Variants in MTUS2 observed in about 807,000 individuals in gnomAD.
MTUS2 encodes the protein microtubule-associated tumor suppressor candidate 2.
MTUS2 carries 40 observed loss-of-function variants against 114.1 expected under a neutral mutation model. The observed-to-expected ratio is 0.35, with a 90% CI of 0.27 to 0.46. MTUS2 has a LOEUF of 0.46. Among genes scored for constraint, MTUS2 ranks in the 20% least tolerant of loss-of-function variants. The pLI is 1.00. For missense variants in MTUS2, 1,679 were observed against 1,705.4 expected, an observed-to-expected ratio of 0.98 and a Z score of 0.27; for synonymous variants, 688 against 672.0, an observed-to-expected ratio of 1.02 and a Z score of -0.37.
intron 8 of MTUS2, among the ~76,000 whole-genome samples, chr13:29,389,297 G>T (rs12864862): frequency 7.0e-6 from 1 of 142,858 alleles, no homozygotes; most frequent in African/African-American, 2.7e-5. Context: ...ACATATGTGT[G>T]TATATGTGTA....
At chr13:29,070,142 G>A (rs1435251454) in intron 4 of MTUS2, among the ~76,000 whole-genome samples, 1 of 152,176 alleles carries the variant, frequency 6.6e-6, no homozygotes, top group African/African-American at 2.4e-5. Flanking sequence ...GCTGTGCTGG[G>A]CTTTCTATCT....
chr13:28,890,529 A>T (rs1455170706), intron 2 of MTUS2, among the ~76,000 whole-genome samples: 1 of 152,204 alleles, frequency 6.6e-6, no homozygotes, highest in Non-Finnish European at 1.5e-5. Flanking sequence ...CGTTTTTATG[A>T]GAATTAAATG....
intron 8 of MTUS2, among the ~76,000 whole-genome samples, chr13:29,375,242 A>C (rs1191389332): frequency 6.8e-6 from 1 of 147,530 alleles, no homozygotes; most frequent in Non-Finnish European, 1.5e-5. Context: ...AATAATTTTT[A>C]AAGAACAGAG....
At chr13:29,471,748 C>CCCCCCG (rs565840294) in intron 9 of MTUS2, among the ~76,000 whole-genome samples, 1 of 150,080 alleles carries the variant, frequency 6.7e-6, no homozygotes, top group African/African-American at 2.4e-5. Flanking sequence ...CCCAGCCCCC[C>CCCCCCG]CCGACACATT....
At chr13:29,382,576 A>T (rs930808801) in intron 8 of MTUS2, among the ~76,000 whole-genome samples, 1 of 152,196 alleles carries the variant, frequency 6.6e-6, no homozygotes, top group Non-Finnish European at 1.5e-5. Context: ...TAGACTGTAC[A>T]GTTTGTGGTG....
At chr13:29,247,057 G>A (rs1046070107) in intron 5 of MTUS2, among the ~76,000 whole-genome samples, 62 of 152,276 alleles carry the variant, frequency 4.1e-4, no homozygotes, top group African/African-American at 1.5e-3. Flanking sequence ...GTACTGGTAT[G>A]AAAATATGCA....
At chr13:29,355,470 G>A (rs1472113908) in intron 7 of MTUS2, among the ~76,000 whole-genome samples, 1 of 152,248 alleles carries the variant, frequency 6.6e-6, no homozygotes, top group Non-Finnish European at 1.5e-5. Flanking sequence ...ATCTGTTAGA[G>A]ATGTTGTAGA....
At chr13:29,389,373 GTATATA>G (rs201618816) in intron 8 of MTUS2, among the ~76,000 whole-genome samples, 3 of 30,932 alleles carry the variant, frequency 9.7e-5, no homozygotes, top group Admixed American at 4.2e-4. Context: ...GCACGTGTGT[GTATATA>G]TGTATACACG....
intron 8 of MTUS2, chr13:29,428,910 CCTCT>C (rs1468838266): frequency 6.2e-7 from 1 of 1,612,674 alleles, no homozygotes; most frequent in South Asian, 1.1e-5. Context: ...CTTTGCCTTC[CCTCT>C]CTCTTCTTCC....
intron 5 of MTUS2, among the ~76,000 whole-genome samples, chr13:29,166,542 G>A (rs887818798): frequency 6.6e-6 from 1 of 152,214 alleles, no homozygotes; most frequent in Non-Finnish European, 1.5e-5. Context: ...CTCAGCAATA[G>A]ATGTTCAGGA....
At chr13:29,383,252 G>GTATGTATATATATATTTATTTATTTATT (rs1555271591) in intron 8 of MTUS2, among the ~76,000 whole-genome samples, 2 of 135,916 alleles carry the variant, frequency 1.5e-5, no homozygotes, top group Admixed American at 7.4e-5. Flanking sequence ...GTGTGTGTGT[G>GTATGTATATATATATTTATTTATTTATT]TATTTATTTT....
chr13:28,984,271 A>C (rs548115765), intron 2 of MTUS2, among the ~76,000 whole-genome samples: 30 of 152,324 alleles, frequency 2.0e-4, no homozygotes, highest in African/African-American at 6.7e-4. Flanking sequence ...TGGAAATCTC[A>C]TGCAGTTGAG....
At chr13:29,308,840 A>G (rs1476674202) in intron 6 of MTUS2, among the ~76,000 whole-genome samples, 2 of 152,184 alleles carry the variant, frequency 1.3e-5, no homozygotes, top group Non-Finnish European at 2.9e-5. Context: ...CAAAACCACA[A>G]TGAGATACCA....
At chr13:29,252,309 A>T (rs566790072) in intron 5 of MTUS2, among the ~76,000 whole-genome samples, 12 of 152,282 alleles carry the variant, frequency 7.9e-5, no homozygotes, top group Admixed American at 1.3e-4. Flanking sequence ...TGGACTTATT[A>T]TATTTTCTGG....
At chr13:29,188,494 G>T (rs1894314357) in intron 5 of MTUS2, among the ~76,000 whole-genome samples, 1 of 152,092 alleles carries the variant, frequency 6.6e-6, no homozygotes, top group South Asian at 2.1e-4. Flanking sequence ...TCAAATGTTT[G>T]CACATCCAAA....
At chr13:29,323,008 T>C (rs1341804940) in intron 6 of MTUS2, among the ~76,000 whole-genome samples, 1 of 152,150 alleles carries the variant, frequency 6.6e-6, no homozygotes, top group Admixed American at 6.5e-5. Flanking sequence ...AGACACTGTT[T>C]GTTGGGAATA....
intron 2 of MTUS2, among the ~76,000 whole-genome samples, chr13:28,951,621 A>G (rs1882811784): frequency 6.6e-6 from 1 of 152,106 alleles, no homozygotes; most frequent in Non-Finnish European, 1.5e-5. Context: ...CAACATGGTA[A>G]AACCCCATTT....
chr13:29,500,830 CACACAT>C (rs1217412684), intron 14 of MTUS2, among the ~76,000 whole-genome samples: 8 of 141,834 alleles, frequency 5.6e-5, no homozygotes, highest in African/African-American at 1.6e-4. Flanking sequence ...CACACACACA[CACACAT>C]TGATACATAA....
chr13:28,863,506 G>A (rs527499935), intron 2 of MTUS2, among the ~76,000 whole-genome samples: 55 of 152,236 alleles, frequency 3.6e-4, no homozygotes, highest in African/African-American at 1.2e-3. Context: ...AGTAAACACC[G>A]TTTCTTTCTG....
Sources: allele counts gnomAD v4.1 joint callset (sites outside exome capture counted in the v4.1 genomes callset), GRCh38; gene constraint gnomAD v4.1.1; transcripts MANE v1.5; gene names NCBI Gene and HGNC (gene_info 2026-07-23, HGNC 2026-07-21).